Variants in DNAJC6 observed in about 807,000 individuals in gnomAD.
The protein encoded by DNAJC6 is auxilin.
A neutral mutation model predicts 110.0 loss-of-function variants in DNAJC6; 34 were observed. The observed-to-expected ratio is 0.31, with a 90% CI of 0.24 to 0.41. The LOEUF is 0.41. DNAJC6 is among the 10% of genes least tolerant of loss of function. The pLI is 1.00. For synonymous variants in DNAJC6, 406 were observed against 437.2 expected (o/e 0.93, Z 0.89); for missense variants, 1,031 against 1,207.8 (o/e 0.85, Z 2.17).
intron 1 of DNAJC6, among the ~76,000 whole-genome samples, chr1:65,269,123 C>A (rs1256770699): frequency 6.6e-6 from 1 of 152,058 alleles, no homozygotes; most frequent in Admixed American, 6.6e-5. Context: ...GATCCCAACA[C>A]TTTGGGAGGC....
intron 4 of DNAJC6, among the ~76,000 whole-genome samples, chr1:65,377,860 C>T (rs1170777316): frequency 1.3e-5 from 2 of 152,192 alleles, no homozygotes; most frequent in African/African-American, 4.8e-5. Context: ...TTTGGGATTG[C>T]AGAGCACATT....
chr1:65,294,299 G>A (rs1201705615), intron 1 of DNAJC6, among the ~76,000 whole-genome samples: 3 of 152,156 alleles, frequency 2.0e-5, no homozygotes, highest in Non-Finnish European at 4.4e-5. Flanking sequence ...TCAGGATCAT[G>A]TTGAACATCA....
intron 1 of DNAJC6, among the ~76,000 whole-genome samples, chr1:65,359,812 A>C (rs973414083): frequency 6.6e-6 from 1 of 152,204 alleles, no homozygotes; most frequent in African/African-American, 2.4e-5. Context: ...GCATTGTAGC[A>C]TGAAAGCAAC....
intron 4 of DNAJC6, among the ~76,000 whole-genome samples, chr1:65,377,216 G>A (rs1645775155): frequency 6.6e-6 from 1 of 152,166 alleles, no homozygotes; most frequent in Admixed American, 6.5e-5. Context: ...TCTTGAACCT[G>A]GGTTTTAAAA....
chr1:65,366,852 A>G (rs1645651654), intron 4 of DNAJC6, among the ~76,000 whole-genome samples: 1 of 152,166 alleles, frequency 6.6e-6, no homozygotes. Flanking sequence ...ATTTGGGTCT[A>G]TTAATAAATA....
intron 1 of DNAJC6, among the ~76,000 whole-genome samples, chr1:65,361,525 A>G (rs540531578): frequency 2.0e-5 from 3 of 152,334 alleles, no homozygotes; most frequent in South Asian, 4.1e-4. Context: ...CCACCTGGCC[A>G]GTAAGCACAG....
intron 13 of DNAJC6, among the ~76,000 whole-genome samples, chr1:65,397,038 G>C (rs909300631): frequency 2.0e-5 from 3 of 152,168 alleles, no homozygotes; most frequent in Non-Finnish European, 4.4e-5. Flanking sequence ...CCAGTTTTCT[G>C]TTTCTGATGA....
intron 1 of DNAJC6, among the ~76,000 whole-genome samples, chr1:65,351,409 G>C (rs1217152976): frequency 3.3e-5 from 5 of 152,222 alleles, no homozygotes; most frequent in Admixed American, 6.5e-5. Flanking sequence ...ACTGATGGTT[G>C]TGGGTTCATA....
chr1:65,398,713 A>T (rs113420389), intron 13 of DNAJC6, 100 bp from the exon 14 acceptor site: 1 of 1,210,836 alleles, frequency 8.3e-7, no homozygotes, highest in Non-Finnish European at 1.2e-6. Flanking sequence ...TGCTGGGGCC[A>T]TGCAGGCTTC....
upstream of DNAJC6, among the ~76,000 whole-genome samples, chr1:65,308,441 A>G (rs1645064781): frequency 6.6e-6 from 1 of 152,206 alleles, no homozygotes. Context: ...TCCTTCTGAA[A>G]TCTTATTATT....
chr1:65,300,294 G>C (rs1253813200), intron 1 of DNAJC6, among the ~76,000 whole-genome samples: 1 of 152,048 alleles, frequency 6.6e-6, no homozygotes, highest in African/African-American at 2.4e-5. Flanking sequence ...CACCCTCAAG[G>C]TTAACTCATG....
At chr1:65,311,011 C>A (rs1645094117) in intron 1 of DNAJC6, among the ~76,000 whole-genome samples, 1 of 152,082 alleles carries the variant, frequency 6.6e-6, no homozygotes, top group Admixed American at 6.6e-5. Context: ...TGTGTAATGG[C>A]TGTCCTTGGG....
At chr1:65,295,887 CT>C (rs1557503819) in intron 1 of DNAJC6, among the ~76,000 whole-genome samples, 23 of 152,300 alleles carry the variant, frequency 1.5e-4, no homozygotes, top group African/African-American at 4.1e-4. Flanking sequence ...CATGGTAATA[CT>C]CAGTAAATCC....
At chr1:65,406,762 C>G (rs1375953213) in intron 16 of DNAJC6, among the ~76,000 whole-genome samples, 2 of 152,060 alleles carry the variant, frequency 1.3e-5, no homozygotes, top group Non-Finnish European at 2.9e-5. Context: ...AATATTTTTG[C>G]ATAGGAAGGA....
intron 1 of DNAJC6, among the ~76,000 whole-genome samples, chr1:65,339,211 G>T (rs2101479524): frequency 6.6e-6 from 1 of 152,256 alleles, no homozygotes; most frequent in Non-Finnish European, 1.5e-5. Context: ...GGTGGATGTT[G>T]TTGTCCTATT....
intron 4 of DNAJC6, among the ~76,000 whole-genome samples, chr1:65,373,559 A>G (rs1384036298): frequency 6.6e-6 from 1 of 151,254 alleles, no homozygotes; most frequent in Non-Finnish European, 1.5e-5. Context: ...ATATAACTGT[A>G]TGCCATTTCT....
intron 1 of DNAJC6, among the ~76,000 whole-genome samples, chr1:65,300,513 A>G (rs938124693): frequency 6.6e-6 from 1 of 152,174 alleles, no homozygotes; most frequent in Non-Finnish European, 1.5e-5. Context: ...GACATGAAAG[A>G]GACTGAAAAA....
intron 2 of DNAJC6, 94 bp downstream of exon 2, chr1:65,364,879 A>G (rs1026079946): frequency 1.0e-5 from 15 of 1,474,716 alleles, no homozygotes; most frequent in East Asian, 2.3e-5. Context: ...AAGAGTGTCA[A>G]TTTTGGGATA....
chr1:65,412,865 T>G (rs1646141032), intron 18 of DNAJC6, 59 bp from the exon 19 acceptor site: 1 of 1,414,430 alleles, frequency 7.1e-7, no homozygotes, highest in Non-Finnish European at 9.8e-7. Context: ...AGTGAAAAAT[T>G]TAATATTAAT....
Sources: gnomAD v4.1 joint callset for allele counts (sites outside exome capture counted in the v4.1 genomes callset) on GRCh38, gnomAD v4.1.1 for gene constraint, MANE v1.5 for transcripts, NCBI Gene and HGNC (gene_info 2026-07-23, HGNC 2026-07-21) for gene names.